ROBO1: variants seen among roughly 807,000 people sequenced by gnomAD.
The protein encoded by ROBO1 is roundabout guidance receptor 1, also known as roundabout homolog 1.
In ROBO1, 149 loss-of-function variants were observed where a neutral mutation model predicts 195.9. The ratio of observed to expected loss-of-function variants is 0.76; its 90% CI spans 0.67 to 0.87. The LOEUF is 0.87. ROBO1 is among the 40% of genes least tolerant of loss of function. The pLI is 0.00. For missense variants in ROBO1, 1,933 were observed against 2,068.3 expected (o/e 0.93, Z 1.27); for synonymous variants, 816 against 733.2 (o/e 1.11, Z -1.82).
intron 3 of ROBO1, among the ~76,000 whole-genome samples, chr3:79,095,719 A>G (rs1214444479): frequency 6.6e-6 from 1 of 152,042 alleles, no homozygotes; most frequent in Non-Finnish European, 1.5e-5. Context: ...CTTCTGTTGT[A>G]CAAGATGAGT....
chr3:78,981,069 A>G (rs1039903308), intron 3 of ROBO1, among the ~76,000 whole-genome samples: 4 of 152,152 alleles, frequency 2.6e-5, no homozygotes, highest in African/African-American at 9.7e-5. Context: ...TGTTTCATCC[A>G]TTATAGAAAT....
intron 3 of ROBO1, among the ~76,000 whole-genome samples, chr3:79,012,197 T>C (rs1023866789): frequency 3.9e-5 from 6 of 152,176 alleles, no homozygotes; most frequent in East Asian, 3.8e-4. Flanking sequence ...ATTTGAAAAA[T>C]AGATCCCCAA....
intron 5 of ROBO1, among the ~76,000 whole-genome samples, chr3:78,723,407 T>C (rs574335304): frequency 4.1e-4 from 63 of 152,270 alleles, no homozygotes; most frequent in African/African-American, 1.4e-3. Context: ...AACACATTTG[T>C]CAGAATATAA....
At chr3:78,784,665 T>A (rs2083778508) in intron 4 of ROBO1, among the ~76,000 whole-genome samples, 1 of 152,186 alleles carries the variant, frequency 6.6e-6, no homozygotes, top group Non-Finnish European at 1.5e-5. Flanking sequence ...AAAATAAATG[T>A]ATATTTTATT....
intron 10 of ROBO1, among the ~76,000 whole-genome samples, chr3:78,682,404 A>T (rs995552925): frequency 1.1e-4 from 16 of 150,386 alleles, no homozygotes; most frequent in African/African-American, 3.9e-4. Context: ...TATATCAAAA[A>T]ATATATATAC....
At chr3:78,869,175 A>C (rs2035381396) in intron 4 of ROBO1, among the ~76,000 whole-genome samples, 1 of 152,150 alleles carries the variant, frequency 6.6e-6, no homozygotes, top group Non-Finnish European at 1.5e-5. Flanking sequence ...AATTTTTATC[A>C]CCGTTATAAC....
chr3:79,152,051 T>G (rs2080781961), intron 2 of ROBO1, among the ~76,000 whole-genome samples: 1 of 151,824 alleles, frequency 6.6e-6, no homozygotes, highest in Non-Finnish European at 1.5e-5. Context: ...CTCCTTTCAC[T>G]GGAATATAAA....
chr3:79,224,566 T>C (rs1349143548), intron 2 of ROBO1, among the ~76,000 whole-genome samples: 1 of 152,252 alleles, frequency 6.6e-6, no homozygotes, highest in East Asian at 1.9e-4. Context: ...CACTTTACAA[T>C]GCTCATAGTA....
intron 9 of ROBO1, among the ~76,000 whole-genome samples, chr3:78,687,374 G>A (rs866616466): frequency 6.6e-6 from 1 of 152,074 alleles, no homozygotes; most frequent in East Asian, 1.9e-4. Flanking sequence ...ATTCAAATAA[G>A]GGCCTATATA....
At chr3:79,590,620 T>C (rs908030253) in intron 1 of ROBO1, among the ~76,000 whole-genome samples, 2 of 151,774 alleles carry the variant, frequency 1.3e-5, no homozygotes, top group African/African-American at 4.8e-5. Flanking sequence ...GACTGGTTAA[T>C]TAATTTTGCC....
chr3:78,869,920 C>A (rs74812312), intron 4 of ROBO1, among the ~76,000 whole-genome samples: 2,024 of 152,240 alleles, frequency 0.013, 30 homozygotes, highest in Middle Eastern at 0.038. Flanking sequence ...GTGATTGTTA[C>A]AATTAAGATT....
intron 3 of ROBO1, among the ~76,000 whole-genome samples, chr3:78,981,089 G>A (rs2076980881): frequency 6.6e-6 from 1 of 152,040 alleles, no homozygotes; most frequent in Non-Finnish European, 1.5e-5. Flanking sequence ...TGAGAAAACT[G>A]GAGCATAAAA....
At chr3:79,411,663 A>G (rs1420117892) in intron 2 of ROBO1, among the ~76,000 whole-genome samples, 1 of 152,182 alleles carries the variant, frequency 6.6e-6, no homozygotes, top group African/African-American at 2.4e-5. Flanking sequence ...AGTCCCAGGA[A>G]TTCTAAGAGT....
chr3:78,783,285 T>C (rs745751587), intron 4 of ROBO1, among the ~76,000 whole-genome samples: 7 of 152,134 alleles, frequency 4.6e-5, no homozygotes, highest in African/African-American at 1.2e-4. Context: ...TGTGTACACA[T>C]TGGAACAATA....
intron 19 of ROBO1, 85 bp downstream of exon 19, chr3:78,651,647 C>T: frequency 8.9e-7 from 1 of 1,119,370 alleles, no homozygotes; most frequent in East Asian, 2.7e-5. Flanking sequence ...AGAGGATATG[C>T]ATAATCATGA....
chr3:79,614,949 A>G (rs73849646), intron 1 of ROBO1, among the ~76,000 whole-genome samples: 2,285 of 152,280 alleles, frequency 0.015, 50 homozygotes, highest in African/African-American at 0.053. Flanking sequence ...TTGTAAACCA[A>G]AAATAGAATT....
chr3:79,241,873 T>C (rs1229920927), intron 2 of ROBO1, among the ~76,000 whole-genome samples: 11 of 151,942 alleles, frequency 7.2e-5, no homozygotes, highest in Admixed American at 7.2e-4. Context: ...CCTCTACTCT[T>C]ATAGCAGGCA....
intron 8 of ROBO1, among the ~76,000 whole-genome samples, chr3:78,692,239 C>A (rs2107865078): frequency 6.6e-6 from 1 of 151,950 alleles, no homozygotes; most frequent in East Asian, 1.9e-4. Flanking sequence ...TATGAAAAGT[C>A]ACTTTTATAA....
intron 1 of ROBO1, among the ~76,000 whole-genome samples, chr3:79,717,686 A>T (rs879415289): frequency 6.6e-6 from 1 of 152,040 alleles, no homozygotes; most frequent in Non-Finnish European, 1.5e-5. Flanking sequence ...TATTTTGTGC[A>T]TGTTATAGAA....
Sources: allele counts gnomAD v4.1 joint callset (sites outside exome capture counted in the v4.1 genomes callset), GRCh38; gene constraint gnomAD v4.1.1; transcripts MANE v1.5; gene names NCBI Gene and HGNC (gene_info 2026-07-23, HGNC 2026-07-21).